PABPC4L: variants seen among roughly 807,000 people sequenced by gnomAD.
The protein encoded by PABPC4L is poly(A) binding protein cytoplasmic 4 like.
For missense variants in PABPC4L, 452 were observed against 451.4 expected, an observed-to-expected ratio of 1.00 and a Z score of -0.01; for synonymous variants, 169 against 164.1, an observed-to-expected ratio of 1.03 and a Z score of -0.23.
chr4:134,153,523 GATATT>G, the PABPC4L span, among the ~76,000 whole-genome samples: 1 of 152,082 alleles, frequency 6.6e-6, no homozygotes, highest in Non-Finnish European at 1.5e-5. Flanking sequence ...TTGTTCACGT[GATATT>G]ATTTATTTAA....
chr4:134,115,290 T>A, the PABPC4L span, among the ~76,000 whole-genome samples: 1 of 151,838 alleles, frequency 6.6e-6, no homozygotes, highest in African/African-American at 2.4e-5. Flanking sequence ...AAACTTGGCC[T>A]CTGTCCTCAT....
the PABPC4L span, among the ~76,000 whole-genome samples, chr4:134,082,066 T>C: frequency 1.5e-4 from 23 of 152,134 alleles, no homozygotes; most frequent in Non-Finnish European, 2.6e-4. Flanking sequence ...GACAAAGTGA[T>C]CTAACGAGGT....
chr4:133,983,988 A>G, the PABPC4L span, among the ~76,000 whole-genome samples: 1 of 151,894 alleles, frequency 6.6e-6, no homozygotes, highest in African/African-American at 2.4e-5. Flanking sequence ...AAAGAAATCT[A>G]TATAGGTAAA....
chr4:133,959,201 C>T, the PABPC4L span, among the ~76,000 whole-genome samples: 3 of 152,100 alleles, frequency 2.0e-5, no homozygotes, highest in African/African-American at 7.2e-5. Context: ...TGCTGTGTCA[C>T]AGTAGATAGT....
the PABPC4L span, among the ~76,000 whole-genome samples, chr4:134,181,115 T>C: frequency 6.6e-6 from 1 of 151,666 alleles, no homozygotes; most frequent in Non-Finnish European, 1.5e-5. Context: ...AGTGCAAAAA[T>C]CCTCAATAAA....
At chr4:134,123,503 C>T in the PABPC4L span, among the ~76,000 whole-genome samples, 1 of 152,030 alleles carries the variant, frequency 6.6e-6, no homozygotes, top group Non-Finnish European at 1.5e-5. Context: ...CTGCAAACAA[C>T]TGTGAAAGTG....
In PABPC4L at chr4:134,200,371, G is replaced by A; in HGVS notation, c.649C>T (p.Leu217=). The stretch of plus-strand genomic sequence containing the variant: ...GAATCTGTCATCACCTTAACACTCA[G>A]AGTTTTGCCATATTTGCTGAAAACG... ...KDVFSKYGKT[L]SVKVMTDSSG... Residue 217 remains leucine, a synonymous_variant, in exon 2 of 2, where the codon CTG becomes TTG. Coordinates refer to ENST00000421491, the MANE Select transcript of PABPC4L (RefSeq NM_001114734.2). 6 of 1,584,494 alleles carry A rather than the reference G, an allele frequency of 3.8e-6. No homozygotes were observed. The highest frequency in any genetic ancestry group is 5.2e-6 in the Non-Finnish European group (6 of 1,163,828).
chr4:134,200,096 T>C lies in PABPC4L; in HGVS notation c.924A>G (p.Lys308=), dbSNP rs1050301724. The C allele has an allele frequency of 4.5e-6, 7 of 1,551,630 alleles. No homozygotes were observed. The highest frequency in any genetic ancestry group is 4.4e-6 in the Non-Finnish European group (5 of 1,146,952). Reference sequence around the variant, plus strand: ...CAAATGAAGAAAATTCGTTTCGTAGTTTTTCATCATCGATGGTGTCATCAA... The same window carrying C: ...CAAATGAAGAAAATTCGTTTCGTAGCTTTTCATCATCGATGGTGTCATCAA... ...KNLDDTIDDE[K]LRNEFSSFGS... is the part of the protein sequence containing the mutation. The change falls in exon 2 of 2, where the codon AAA becomes AAG. Residue 308 remains lysine (K), a synonymous_variant. Transcript: ENST00000421491.
At chr4:134,113,693 C>T in the PABPC4L span, among the ~76,000 whole-genome samples, 1 of 151,668 alleles carries the variant, frequency 6.6e-6, no homozygotes, top group Non-Finnish European at 1.5e-5. Flanking sequence ...ATAGAGGTAA[C>T]TAATTCAGTT....
the PABPC4L span, among the ~76,000 whole-genome samples, chr4:134,148,326 G>GA: frequency 6.6e-6 from 1 of 151,956 alleles, no homozygotes; most frequent in Non-Finnish European, 1.5e-5. Context: ...GTTATTTATG[G>GA]AATATCCCTT....
At chr4:134,013,012 C>T in the PABPC4L span, among the ~76,000 whole-genome samples, 1 of 152,252 alleles carries the variant, frequency 6.6e-6, no homozygotes, top group African/African-American at 2.4e-5. Context: ...TCTGATTATT[C>T]ACCCATGTTT....
chr4:133,974,414 C>T, the PABPC4L span, among the ~76,000 whole-genome samples: 1 of 151,882 alleles, frequency 6.6e-6, no homozygotes, highest in East Asian at 1.9e-4. Flanking sequence ...TTATGAAATC[C>T]TTAGAAGAAA....
chr4:134,161,494 AC>A, the PABPC4L span, among the ~76,000 whole-genome samples: 1 of 152,088 alleles, frequency 6.6e-6, no homozygotes, highest in Non-Finnish European at 1.5e-5. Context: ...CTCAGTAAAA[AC>A]CTTAGAGATC....
At chr4:133,950,288 A>G in the PABPC4L span, among the ~76,000 whole-genome samples, 1 of 152,194 alleles carries the variant, frequency 6.6e-6, no homozygotes, top group African/African-American at 2.4e-5. Flanking sequence ...GAGGTGGTCT[A>G]CTATTACTAG....
the PABPC4L span, among the ~76,000 whole-genome samples, chr4:134,014,983 A>G: frequency 6.6e-6 from 1 of 152,014 alleles, no homozygotes; most frequent in East Asian, 1.9e-4. Flanking sequence ...GACTATAGCT[A>G]CATCTCATTG....
the PABPC4L span, among the ~76,000 whole-genome samples, chr4:134,138,615 T>C: frequency 2.4e-4 from 36 of 151,948 alleles, no homozygotes; most frequent in Admixed American, 2.0e-3. Flanking sequence ...GAGTTGTATG[T>C]ATTTTCCAGT....
chr4:134,110,577 G>A, the PABPC4L span, among the ~76,000 whole-genome samples: 1 of 140,490 alleles, frequency 7.1e-6, no homozygotes, highest in African/African-American at 3.0e-5. Context: ...GTGTGTGTGT[G>A]TGTGTGTGTG....
the PABPC4L span, among the ~76,000 whole-genome samples, chr4:134,119,721 C>A: frequency 6.6e-6 from 1 of 151,814 alleles, no homozygotes; most frequent in African/African-American, 2.4e-5. Flanking sequence ...TATGTGCCCT[C>A]TCATTATGTT....
chr4:134,056,615 C>T, the PABPC4L span, among the ~76,000 whole-genome samples: 1 of 151,866 alleles, frequency 6.6e-6, no homozygotes, highest in African/African-American at 2.4e-5. Context: ...ATTATTTAAA[C>T]TTTAATGTTA....
Sources: gnomAD v4.1 joint callset for allele counts (sites outside exome capture counted in the v4.1 genomes callset) on GRCh38, gnomAD v4.1.1 for gene constraint, MANE v1.5 for transcripts, NCBI Gene and HGNC (gene_info 2026-07-23, HGNC 2026-07-21) for gene names.